Variants in DOCK2 observed in about 807,000 individuals in gnomAD.
DOCK2 encodes the protein dedicator of cytokinesis 2.
A neutral mutation model predicts 248.9 loss-of-function variants in DOCK2; 87 were observed. The observed-to-expected ratio is 0.35, with a 90% CI of 0.29 to 0.42. The LOEUF is 0.42. Among genes scored for constraint, DOCK2 ranks in the 10% least tolerant of loss-of-function variants. DOCK2 has a pLI of 1.00. For missense variants in DOCK2, 1,747 were observed against 2,300.2 expected (o/e 0.76, Z 4.92); for synonymous variants, 805 against 821.6 (o/e 0.98, Z 0.35).
rs181197900 is a variant in DOCK2, at chr5:169,954,682, G to T, written c.2800-28386G>T. On this transcript the variant is annotated intron_variant, in intron 27 of 51. Transcript: ENST00000520908. Reference sequence around the variant, plus strand: ...TTTGGTTCTCCAAATGCAGAATCCTGGGCCCTTTCAAACTTGTTGTTGTTG... The same window carrying T: ...TTTGGTTCTCCAAATGCAGAATCCTTGGCCCTTTCAAACTTGTTGTTGTTG... Among the ~76,000 whole-genome samples the T allele has an allele frequency of 2.4e-3, 360 of 152,310 alleles. 1 individual carries two copies. The highest frequency in any genetic ancestry group is 8.2e-3 in the African/African-American group (342 of 41,566).
At chr5:170,075,692 G>C in intron 46 of DOCK2, 1 of 406,020 alleles carries the variant, frequency 2.5e-6, no homozygotes, top group Non-Finnish European at 4.5e-6. Flanking sequence ...GCCTTTCATG[G>C]GGAAGAGGGG....
rs577539916 is a variant in DOCK2 at position 169,846,297 on chromosome 5, T to TA, written c.2799+5449dup. 1.4e-4 allele frequency among the ~76,000 whole-genome samples: 22 copies of TA among 152,266 alleles called. No homozygotes were observed. In the South Asian group the frequency reaches 3.7e-3, roughly 26 times the overall value. On this transcript the variant is annotated intron_variant, in intron 27 of 51. Transcript: ENST00000520908. ...CATTGCAGTAAAAGGTTTTAGCCAC[T>TA]AAAATCACAGGAACCATGGGGCTAG...
intron 27 of DOCK2, among the ~76,000 whole-genome samples, chr5:169,850,160 C>T (rs1455568318): frequency 3.3e-5 from 5 of 152,128 alleles, no homozygotes; most frequent in East Asian, 1.9e-4. Flanking sequence ...ATTTATGGAC[C>T]GTTTATGTGA....
intron 23 of DOCK2, among the ~76,000 whole-genome samples, chr5:169,751,867 C>T (rs1216709798): frequency 6.6e-6 from 1 of 152,178 alleles, no homozygotes; most frequent in Non-Finnish European, 1.5e-5. Context: ...CAGAGATCTT[C>T]AAGGAACCAC....
chr5:169,881,296 A>G, intron 27 of DOCK2: 1 of 1,274,936 alleles, frequency 7.8e-7, no homozygotes, highest in Admixed American at 2.2e-5. Flanking sequence ...TGCATTTAAA[A>G]GTTTGCTAGA....
rs1252688400 is a variant in DOCK2 at position 170,041,231 on chromosome 5, G to T, written c.3756+86G>T. ...TTGAAGAGTGAAAAAAGAAAAAAAA[G>T]AAAAAGAATCCAAATATTTTGTTTT... On this transcript the variant is annotated intron_variant, in intron 37 of 51. Transcript: ENST00000520908. The T allele has an allele frequency of 1.0e-5, 13 of 1,269,344 alleles. No individual in the cohort carries two copies. The African/African-American group carries it at 1.8e-4, about 18-fold the overall frequency. The allele number at this position is 1,269,344 out of a possible 1,614,324, so 78.6% of individuals were successfully genotyped here.
intron 26 of DOCK2, among the ~76,000 whole-genome samples, chr5:169,804,233 G>C (rs1017094926): frequency 6.6e-6 from 1 of 152,160 alleles, no homozygotes; most frequent in East Asian, 1.9e-4. Flanking sequence ...GTCTTCTCCT[G>C]TCTCTTCCTT....
At chr5:170,082,300 A>G (rs1758062407) in intron 51 of DOCK2, among the ~76,000 whole-genome samples, 1 of 152,114 alleles carries the variant, frequency 6.6e-6, no homozygotes, top group African/African-American at 2.4e-5. Flanking sequence ...TATTCAACCT[A>G]TATCACAAAA....
At position 170,023,715 on chromosome 5, in the gene DOCK2, C is replaced by T. The variant is rs116741837; in HGVS notation, c.3382-4148C>T. Among the ~76,000 whole-genome samples, 1,400 of 152,266 alleles carry T rather than the reference C, an allele frequency of 9.2e-3. 11 individuals are homozygous for T. Among genetic ancestry groups the T allele is most frequent in the Non-Finnish European group, 0.013 (899 of 68,032 alleles). ...TCCTCCCAACTCTACTTCTTTCCAC[C>T]CAGGATAACTGGCATTTCATAACAG... On this transcript the variant is annotated intron_variant, in intron 33 of 51. Transcript: ENST00000520908.
chr5:169,934,938 A>G (rs1216537922), intron 27 of DOCK2: 1 of 328,092 alleles, frequency 3.0e-6, no homozygotes, highest in East Asian at 8.1e-5. Flanking sequence ...GTAGTATAGA[A>G]AGTGATTGTG....
chr5:169,687,226 T>TA (rs1220548663), intron 8 of DOCK2, among the ~76,000 whole-genome samples: 21 of 152,148 alleles, frequency 1.4e-4, no homozygotes, highest in East Asian at 1.9e-4. Flanking sequence ...GCATTAAAAA[T>TA]AAAAAAAATT....
intron 30 of DOCK2, among the ~76,000 whole-genome samples, chr5:170,007,489 C>T (rs191143515): frequency 1.3e-5 from 2 of 152,202 alleles, no homozygotes; most frequent in African/African-American, 4.8e-5. Flanking sequence ...TTAAACACAT[C>T]ATTTTGTGTC....
At position 170,070,344 on chromosome 5, in the gene DOCK2, C is replaced by T. The variant is rs538294531; in HGVS notation, c.4728+1124C>T. ...GGGAATGAGAAGCATTGGGTGCAGC[C>T]TCTTTTCTTAAAATAAGAATTCCTA... is the stretch of plus-strand genomic sequence containing the variant. On this transcript the variant is annotated intron_variant, in intron 46 of 51. Coordinates refer to ENST00000520908, the MANE Select transcript of DOCK2 (RefSeq NM_004946.3). Among the ~76,000 whole-genome samples the T allele has an allele frequency of 2.6e-5, 4 of 152,376 alleles. No individual in the cohort carries two copies. The East Asian group carries it at 7.7e-4, about 29-fold the overall frequency.
At chr5:169,943,117 A>G (rs947877350) in intron 27 of DOCK2, among the ~76,000 whole-genome samples, 15 of 152,316 alleles carry the variant, frequency 9.8e-5, no homozygotes, top group Admixed American at 7.2e-4. Flanking sequence ...TGGAAATATC[A>G]TTGAGTTTTC....
chr5:169,995,541 T>G (rs1561872135), intron 29 of DOCK2, among the ~76,000 whole-genome samples: 1 of 152,262 alleles, frequency 6.6e-6, no homozygotes, highest in Admixed American at 6.5e-5. Context: ...GGATGATATA[T>G]ATCTACATTC....
intron 34 of DOCK2, 80 bp downstream of exon 34, chr5:170,028,028 G>T (rs527749335): frequency 4.5e-6 from 6 of 1,327,302 alleles, no homozygotes; most frequent in Admixed American, 4.1e-5. Context: ...AGGGGGCTCC[G>T]AGTGGCTCTG....
At chr5:169,848,517 A>G (rs1171076505) in intron 27 of DOCK2, among the ~76,000 whole-genome samples, 1 of 152,228 alleles carries the variant, frequency 6.6e-6, no homozygotes, top group Non-Finnish European at 1.5e-5. Flanking sequence ...TGACTGCTCT[A>G]GAGAGGGCTG....
At chr5:169,834,149 G>A (rs1680558) in intron 26 of DOCK2, among the ~76,000 whole-genome samples, 138 of 88,550 alleles carry the variant, frequency 1.6e-3, no homozygotes, top group Admixed American at 3.4e-3. Flanking sequence ...TCCCAACCAG[G>A]TCACCCTGCA....
intron 27 of DOCK2, among the ~76,000 whole-genome samples, chr5:169,905,926 C>T (rs1238872046): frequency 1.3e-5 from 2 of 152,222 alleles, no homozygotes; most frequent in Non-Finnish European, 1.5e-5. Context: ...TGTCTTGAAC[C>T]TGACTGTATC....
Sources: gnomAD v4.1 joint callset for allele counts (sites outside exome capture counted in the v4.1 genomes callset) on GRCh38, gnomAD v4.1.1 for gene constraint, MANE v1.5 for transcripts, NCBI Gene and HGNC (gene_info 2026-07-23, HGNC 2026-07-21) for gene names.